COL24A1: variants seen among roughly 807,000 people sequenced by gnomAD.
The protein encoded by COL24A1 is collagen type XXIV alpha 1 chain.
Under a neutral mutation model 253.9 loss-of-function variants are expected in COL24A1, and 224 were observed. The ratio of observed to expected loss-of-function variants is 0.88; its 90% CI spans 0.79 to 0.99. The LOEUF (loss-of-function observed/expected upper bound fraction) is 0.99, where lower values mean the gene tolerates loss of function less well. Among genes scored for constraint, COL24A1 ranks in the 50% least tolerant of loss-of-function variants. The pLI is 0.00. For synonymous variants in COL24A1, 685 were observed against 673.7 expected, an observed-to-expected ratio of 1.02 and a Z score of -0.26; for missense variants, 2,131 against 2,068.5, an observed-to-expected ratio of 1.03 and a Z score of -0.59.
intron 12 of COL24A1, among the ~76,000 whole-genome samples, chr1:86,046,572 C>T (rs1349525828): frequency 1.3e-5 from 2 of 152,118 alleles, no homozygotes; most frequent in South Asian, 2.1e-4. Flanking sequence ...AGCTCCTTGC[C>T]GTAGAGATAA....
intron 47 of COL24A1, among the ~76,000 whole-genome samples, chr1:85,799,376 GACTA>G (rs1671183118): frequency 1.5e-5 from 1 of 67,160 alleles, no homozygotes. Flanking sequence ...ATGGTGCCAT[GACTA>G]AAAAAAAAAA....
At chr1:85,996,916 A>C (rs1432729569) in intron 19 of COL24A1, among the ~76,000 whole-genome samples, 1 of 151,634 alleles carries the variant, frequency 6.6e-6, no homozygotes, top group South Asian at 2.1e-4. Context: ...TCAATTACCT[A>C]CTTTTGTTTT....
chr1:86,132,670 A>G (rs1171895972), intron 2 of COL24A1, among the ~76,000 whole-genome samples: 1 of 152,154 alleles, frequency 6.6e-6, no homozygotes, highest in Non-Finnish European at 1.5e-5. Context: ...AAGATCAGAC[A>G]GTTGTAGATA....
Position 86,022,499 on chromosome 1 carries a change from T to C in COL24A1, c.2202+39A>G, listed in dbSNP as rs1245321432. ...GCAGTTCTTTCTTTTGAATTTACAC[T>C]TTTTCATATTTACATAAAATTAATG... On this transcript the variant is annotated intron_variant, in intron 17 of 59. Coordinates refer to ENST00000370571, the MANE Select transcript of COL24A1 (RefSeq NM_152890.7). The C allele has an allele frequency of 4.5e-6, 7 of 1,545,514 alleles. No homozygotes were observed. The South Asian group carries it at 8.1e-5, about 18-fold the overall frequency.
chr1:85,955,228 G>C (rs955622527), intron 24 of COL24A1, among the ~76,000 whole-genome samples: 1 of 152,130 alleles, frequency 6.6e-6, no homozygotes, highest in Non-Finnish European at 1.5e-5. Context: ...CCAGCCACTG[G>C]GTGGCCTGAC....
At chr1:85,815,485 T>C (rs1672968374) in intron 47 of COL24A1, among the ~76,000 whole-genome samples, 1 of 152,226 alleles carries the variant, frequency 6.6e-6, no homozygotes, top group Admixed American at 6.5e-5. Context: ...GGCTCTGATA[T>C]GTTTCTTCCA....
chr1:85,819,161 AAAG>A (rs1317592173), intron 45 of COL24A1, among the ~76,000 whole-genome samples: 1 of 152,202 alleles, frequency 6.6e-6, no homozygotes, highest in African/African-American at 2.4e-5. Context: ...AAATGTTTCT[AAAG>A]ATGAGGAAAC....
At chr1:86,019,277 C>A (rs1477284871) in intron 18 of COL24A1, among the ~76,000 whole-genome samples, 1 of 152,074 alleles carries the variant, frequency 6.6e-6, no homozygotes, top group African/African-American at 2.4e-5. Context: ...ATATATACAG[C>A]CAGGTGCAGT....
chr1:86,125,368 G>C lies in COL24A1; in HGVS notation c.968C>G (p.Ser323Cys). 1 of 1,613,636 alleles carries C rather than the reference G, an allele frequency of 6.2e-7. No homozygotes were observed. The highest frequency in any genetic ancestry group is 8.5e-7 in the Non-Finnish European group (1 of 1,179,812). The change falls in exon 3 of 60, where the codon TCT (serine) becomes TGT (cysteine). Residue 323 changes from serine to cysteine, a missense_variant. Coordinates refer to ENST00000370571, the MANE Select transcript of COL24A1 (RefSeq NM_152890.7). Reference protein sequence around the residue: ...QLSSLQSGNVSAVDLTNHGIQ... With the variant: ...QLSSLQSGNVCAVDLTNHGIQ... The stretch of plus-strand genomic sequence containing the variant: ...CCCATGGTTTGTGAGATCCACAGCA[G>C]AGACATTTCCTGACTGAAGAGAAGA...
At chr1:86,150,775 T>G (rs1359459165) in intron 1 of COL24A1, among the ~76,000 whole-genome samples, 1 of 152,146 alleles carries the variant, frequency 6.6e-6, no homozygotes, top group Non-Finnish European at 1.5e-5. Flanking sequence ...GATGTTACAT[T>G]TATTATACAT....
At chr1:86,155,665 C>G (rs1473197869) in intron 1 of COL24A1, 1 of 152,514 alleles carries the variant, frequency 6.6e-6, no homozygotes, top group Non-Finnish European at 1.5e-5. Flanking sequence ...CCTCCCCAGT[C>G]CCCGCCGCGA....
chr1:85,774,987 T>G (rs906935126), intron 53 of COL24A1, among the ~76,000 whole-genome samples: 3 of 152,218 alleles, frequency 2.0e-5, no homozygotes, highest in African/African-American at 4.8e-5. Context: ...AGATCTTTCC[T>G]GCTTTCTCTC....
At chr1:86,110,435 T>G (rs866179791) in intron 5 of COL24A1, among the ~76,000 whole-genome samples, 1 of 152,070 alleles carries the variant, frequency 6.6e-6, no homozygotes, top group Non-Finnish European at 1.5e-5. Flanking sequence ...GGCGCCTTCT[T>G]GGCCTCAGCG....
intron 7 of COL24A1, among the ~76,000 whole-genome samples, chr1:86,078,261 TA>T (rs1004751667): frequency 3.3e-5 from 5 of 151,852 alleles, no homozygotes; most frequent in Admixed American, 2.0e-4. Context: ...CCCTTCTTGG[TA>T]AAAAAAATAC....
intron 47 of COL24A1, among the ~76,000 whole-genome samples, chr1:85,813,423 GA>G (rs71078625): frequency 0.014 from 1,712 of 119,712 alleles, 33 homozygotes; most frequent in African/African-American, 0.056. Flanking sequence ...AAACCTTAAA[GA>G]AAAAAAAAAA....
chr1:85,948,596 T>C (rs900968708), intron 24 of COL24A1, among the ~76,000 whole-genome samples: 12 of 151,006 alleles, frequency 7.9e-5, no homozygotes, highest in Non-Finnish European at 1.8e-4. Flanking sequence ...TATTTACTTT[T>C]TGAGATTTGA....
intron 45 of COL24A1, among the ~76,000 whole-genome samples, chr1:85,822,716 G>A (rs1044709374): frequency 2.0e-5 from 3 of 152,118 alleles, no homozygotes; most frequent in South Asian, 2.1e-4. Flanking sequence ...TAAGCCCTCC[G>A]TGTACTTCCT....
chr1:86,061,498 T>A (rs569320444), intron 8 of COL24A1, among the ~76,000 whole-genome samples: 1 of 152,194 alleles, frequency 6.6e-6, no homozygotes, highest in East Asian at 1.9e-4. Context: ...TGAAATCCTA[T>A]TTCGAATGGA....
intron 24 of COL24A1, among the ~76,000 whole-genome samples, chr1:85,921,228 C>T (rs1378691850): frequency 6.6e-6 from 1 of 152,168 alleles, no homozygotes; most frequent in Non-Finnish European, 1.5e-5. Context: ...GACACTCCTG[C>T]CCAAATACTG....
Sources: allele counts gnomAD v4.1 joint callset (sites outside exome capture counted in the v4.1 genomes callset), GRCh38; gene constraint gnomAD v4.1.1; transcripts MANE v1.5; gene names NCBI Gene and HGNC (gene_info 2026-07-23, HGNC 2026-07-21).